The following MMP11 variants were observed in gnomAD, a reference collection of about 807,000 sequenced individuals.
MMP11 encodes the protein stromelysin-3.
MMP11 carries 26 observed loss-of-function variants against 49.5 expected under a neutral mutation model. That is an observed-to-expected ratio of 0.52 (90% CI 0.38 to 0.73). MMP11 has a LOEUF of 0.73. Among genes scored for constraint, MMP11 ranks in the 30% least tolerant of loss-of-function variants. MMP11 has a pLI of 0.00. For synonymous variants in MMP11, 265 were observed against 282.3 expected, an observed-to-expected ratio of 0.94 and a Z score of 0.62; for missense variants, 624 against 671.2, an observed-to-expected ratio of 0.93 and a Z score of 0.78.
chr22:23,781,554 G>A (rs1435427700), intron 6 of MMP11, 145 bp downstream of exon 6: 9 of 801,580 alleles, frequency 1.1e-5, no homozygotes, highest in Non-Finnish European at 1.4e-5. Flanking sequence ...GAGAGAGAGT[G>A]TGGTTTGTTC....
chr22:23,779,955 G>A (rs7288021), intron 2 of MMP11: 8,089 of 265,228 alleles, frequency 0.03, 607 homozygotes, highest in African/African-American at 0.16. Flanking sequence ...CCTGCGGGTG[G>A]GGACCCAGCC....
At chr22:23,778,165 C>A (rs891883676) in intron 1 of MMP11, among the ~76,000 whole-genome samples, 1 of 152,264 alleles carries the variant, frequency 6.6e-6, no homozygotes, top group Non-Finnish European at 1.5e-5. Flanking sequence ...CACTTGGCTT[C>A]TGTGCGGTGT....
rs1249927165 is a variant in MMP11, at chr22:23,779,220, C to T, written c.142C>T (p.Pro48Ser). The T allele has an allele frequency of 6.2e-7, 1 of 1,606,792 alleles. No individual in the cohort carries two copies. The highest frequency in any genetic ancestry group is 8.5e-7 in the Non-Finnish European group (1 of 1,177,536). The change falls in exon 2 of 8, where the codon CCA becomes TCA. Residue 48 changes from proline (P) to serine (S), a missense_variant. Transcript: ENST00000215743. ...CCACCTCCATGCCGAGAGGAGGGGG[C>T]CACAGCCCTGGCATGCAGCCCTGCC... ...AHHLHAERRG[P>S]QPWHAALPSS...
Position 23,781,090 on chromosome 22 carries a change from C to T in MMP11, c.848C>T (p.Ala283Val), listed in dbSNP as rs371442992. 6.2e-7 allele frequency: 1 copy of T among 1,607,980 alleles called. No homozygotes were observed. Among genetic ancestry groups the T allele is most frequent in the African/African-American group, 1.3e-5 (1 of 74,892 alleles). Residue 283 changes from alanine (A) to valine (V), a missense_variant, in exon 5 of 8, where the codon GCA (alanine) becomes GTA (valine). Coordinates refer to ENST00000215743, the MANE Select transcript of MMP11 (RefSeq NM_005940.5). Reference protein sequence around the residue: ...PQAGIDTNEIAPLEPDAPPDA... With the variant: ...PQAGIDTNEIVPLEPDAPPDA... The stretch of plus-strand genomic sequence containing the variant: ...GCTGGGATAGACACCAATGAGATTG[C>T]ACCGCTGGAGGTGAGGCCCTGCCTG...
Position 23,772,877 on chromosome 22 carries a change from C to A in MMP11, c.7C>A (p.Pro3Thr), listed in dbSNP as rs867265454. The stretch of plus-strand genomic sequence containing the variant: ...CCCAGCAGCCCCGGGGCGGATGGCT[C>A]CGGCCGCCTGGCTCCGCAGCGCGGC... MA[P>T]AAWLRSAAAR... Residue 3 changes from proline to threonine, a missense_variant, in exon 1 of 8, where the codon CCG becomes ACG. Physicochemically the swap from Pro to Thr is conservative, Grantham distance 38. Transcript: ENST00000215743. 9 of 1,159,054 alleles carry A rather than the reference C, an allele frequency of 7.8e-6. No homozygotes were observed. The highest frequency in any genetic ancestry group is 3.6e-4 in the Middle Eastern group (1 of 2,816). 71.8% of individuals were successfully genotyped at this position (1,159,054 alleles called of 1,614,324 possible). A position where few individuals can be genotyped will look rare whatever the true frequency, so the allele number is the denominator to read the frequency against.
intron 1 of MMP11, chr22:23,777,554 G>A (rs1168230640): frequency 7.5e-6 from 1 of 133,560 alleles, no homozygotes; most frequent in Admixed American, 8.3e-5. Context: ...GCGATAGAGC[G>A]AGACTCTCTC....
intron 7 of MMP11, 24 bp from the exon 8 acceptor site, chr22:23,783,387 G>A: frequency 6.2e-7 from 1 of 1,613,192 alleles, no homozygotes; most frequent in Non-Finnish European, 8.5e-7. Flanking sequence ...CGCTCGCCCA[G>A]GCTTGACCAC....
Position 23,783,688 on chromosome 22 carries a change from C to T in MMP11, c.*144C>T, listed in dbSNP as rs1488253009. Reference sequence around the variant, plus strand: ...TCAGGGGGATGGGGTGGGGTACAACCACCATGACAACTGCCGGGAGGGCCA... The same window carrying T: ...TCAGGGGGATGGGGTGGGGTACAACTACCATGACAACTGCCGGGAGGGCCA... On this transcript the variant is annotated 3_prime_UTR_variant, in exon 8 of 8. Transcript: ENST00000215743. The T allele has an allele frequency of 1.7e-6, 2 of 1,178,038 alleles. No individual in the cohort carries two copies. The highest frequency in any genetic ancestry group is 4.8e-5 in the East Asian group (2 of 41,394). The allele number at this position is 1,178,038 out of a possible 1,614,324, so 73.0% of individuals were successfully genotyped here.
chr22:23,773,127 G>T, intron 1 of MMP11, 149 bp downstream of exon 1: 1 of 959,024 alleles, frequency 1.0e-6, no homozygotes, highest in Non-Finnish European at 1.3e-6. Context: ...CTCTAGGCGT[G>T]ATAGACAGCG....
intron 1 of MMP11, among the ~76,000 whole-genome samples, chr22:23,775,166 G>C (rs928389752): frequency 6.6e-6 from 1 of 152,224 alleles, no homozygotes; most frequent in Non-Finnish European, 1.5e-5. Context: ...CTGGAGGTGG[G>C]AGGCATGAGC....
chr22:23,778,843 A>G (rs547232001), intron 1 of MMP11, among the ~76,000 whole-genome samples: 1 of 152,180 alleles, frequency 6.6e-6, no homozygotes, highest in Admixed American at 6.5e-5. Context: ...CCTTCGGAGG[A>G]AGCTTTTTGG....
In MMP11 at chr22:23,780,090, G is replaced by A; in HGVS notation, c.339-269G>A. ...AGGTGTCCCCACAGTAAGTGGCACT[G>A]TCAGGTCTAGGATGGGGGTCTCGGG... On this transcript the variant is annotated intron_variant, in intron 2 of 7. Transcript: ENST00000215743. The surrounding 1 kb of genome is among the most constrained non-coding windows in gnomAD (Gnocchi z 4.6). The A allele has an allele frequency of 1.9e-6, 1 of 522,072 alleles. No homozygotes were observed. 32.3% of individuals were successfully genotyped at this position (522,072 alleles called of 1,614,324 possible). A position where few individuals can be genotyped will look rare whatever the true frequency, so the allele number is the denominator to read the frequency against.
intron 1 of MMP11, among the ~76,000 whole-genome samples, chr22:23,776,796 C>T (rs890219222): frequency 6.6e-6 from 1 of 151,186 alleles, no homozygotes; most frequent in African/African-American, 2.4e-5. Context: ...TAGCCTGCAA[C>T]CAGTGCTAAG....
chr22:23,780,904 T>A lies in MMP11; in HGVS notation c.662T>A (p.Leu221Gln), dbSNP rs775332471. The A allele has an allele frequency of 1.9e-6, 3 of 1,613,948 alleles. No homozygotes were observed. Among genetic ancestry groups the A allele is most frequent in the Non-Finnish European group, 2.5e-6 (3 of 1,180,008 alleles). The change falls in exon 5 of 8, where the codon CTG (leucine) becomes CAG (glutamine). Residue 221 changes from leucine (L) to glutamine (Q), a missense_variant. Coordinates refer to ENST00000215743, the MANE Select transcript of MMP11 (RefSeq NM_005940.5). This position sits in a 1 kb window ranked among gnomAD's most constrained non-coding sequence, Gnocchi z 4.6. ...QVAAHEFGHV[L>Q]GLQHTTAAKA... ...GCAGCCCATGAATTTGGCCACGTGC[T>A]GGGGCTGCAGCACACAACAGCAGCC...
intron 1 of MMP11, 62 bp from the exon 2 acceptor site, chr22:23,779,125 T>A: frequency 7.4e-7 from 1 of 1,344,330 alleles, no homozygotes; most frequent in Non-Finnish European, 1.0e-6. Flanking sequence ...AGGCCACATC[T>A]CTAACTGTGG....
chr22:23,774,118 G>C (rs994080669), intron 1 of MMP11, among the ~76,000 whole-genome samples: 1 of 152,288 alleles, frequency 6.6e-6, no homozygotes, highest in African/African-American at 2.4e-5. Flanking sequence ...CTGGAAATTG[G>C]AGAGATCTGG....
At chr22:23,781,123 C>A (rs1927610456) in intron 5 of MMP11, 23 bp downstream of exon 5, 2 of 1,606,556 alleles carry the variant, frequency 1.2e-6, no homozygotes, top group Non-Finnish European at 1.7e-6. Flanking sequence ...CTGCCAGTCC[C>A]CCTACTCCTC....
In MMP11 at chr22:23,784,010, A is replaced by G. The variant is rs141112947; in HGVS notation, c.*466A>G. The G allele has an allele frequency of 1.2e-5, 2 of 168,746 alleles. No homozygotes were observed. The highest frequency in any genetic ancestry group is 4.7e-5 in the African/African-American group (2 of 42,486). The allele number at this position is 168,746 out of a possible 1,614,324, so 10.5% of individuals were successfully genotyped here. On this transcript the variant is annotated 3_prime_UTR_variant, in exon 8 of 8. Coordinates refer to ENST00000215743, the MANE Select transcript of MMP11 (RefSeq NM_005940.5). The stretch of plus-strand genomic sequence containing the variant: ...GGCTGTAGGGCAGGGCCACTTCCTG[A>G]GGTCAGGTCTTGGTAGGTGCCTGCA...
At position 23,781,215 on chromosome 22, in the gene MMP11, G is replaced by A. The variant is rs773426184; in HGVS notation, c.881G>A (p.Cys294Tyr). Residue 294 changes from cysteine to tyrosine, a missense_variant, in exon 6 of 8, where the codon TGT (cysteine) becomes TAT (tyrosine). By Grantham distance (194) the Cys-to-Tyr change is radical. Coordinates refer to ENST00000215743, the MANE Select transcript of MMP11 (RefSeq NM_005940.5). ...CAGCCAGACGCCCCGCCAGATGCCT[G>A]TGAGGCCTCCTTTGACGCGGTCTCC... ...PLEPDAPPDA[C>Y]EASFDAVSTI... The A allele has an allele frequency of 8.1e-6, 13 of 1,611,646 alleles. No individual in the cohort carries two copies. Among genetic ancestry groups the A allele is most frequent in the Non-Finnish European group, 1.1e-5 (13 of 1,180,020 alleles).
Sources: allele counts gnomAD v4.1 joint callset (sites outside exome capture counted in the v4.1 genomes callset), GRCh38; gene constraint gnomAD v4.1.1; non-coding constraint Gnocchi (gnomAD v3.1); transcripts MANE v1.5; gene names NCBI Gene and HGNC (gene_info 2026-07-23, HGNC 2026-07-21).